Variants in MTA3 observed in about 807,000 individuals in gnomAD.
MTA3 encodes metastasis-associated protein MTA3.
In MTA3, 34 loss-of-function variants were observed where a neutral mutation model predicts 83.5. The observed-to-expected ratio is 0.41, with a 90% CI of 0.31 to 0.54. MTA3 has a LOEUF of 0.54. MTA3 is among the 20% of genes least tolerant of loss of function. MTA3 has a pLI of 0.33. For missense variants in MTA3, 761 were observed against 726.4 expected, an observed-to-expected ratio of 1.05 and a Z score of -0.55; for synonymous variants, 303 against 252.7, an observed-to-expected ratio of 1.20 and a Z score of -1.89.
chr2:42,517,777 A>AAGG (rs1675217135), intron 2 of MTA3, among the ~76,000 whole-genome samples: 1 of 140,014 alleles, frequency 7.1e-6, no homozygotes, highest in Non-Finnish European at 1.5e-5. Flanking sequence ...ACTCCGGGAG[A>AAGG]CTGAGGCAGG....
chr2:42,728,039 A>G lies in MTA3; in HGVS notation c.1759+5004A>G, dbSNP rs576415623. Among the ~76,000 whole-genome samples, 93 of 152,282 alleles carry G rather than the reference A, an allele frequency of 6.1e-4. 3 individuals carry two copies. In the South Asian group the frequency reaches 0.019, roughly 31 times the overall value. On this transcript the variant is annotated intron_variant, in intron 16 of 16. Transcript: ENST00000405094. The stretch of plus-strand genomic sequence containing the variant: ...GTCACCCTGTTAGCTATCAAATACT[A>G]GATCTTATTCATTCTATCTAACTAT...
chr2:42,695,634 C>CAAAAAAAA (rs70963347), intron 9 of MTA3, 131 bp from the exon 10 acceptor site: 74 of 130,772 alleles, frequency 5.7e-4, no homozygotes, highest in South Asian at 1.0e-3. Flanking sequence ...CAGTCTATCT[C>CAAAAAAAA]AAAAAAAAAA....
intron 3 of MTA3, among the ~76,000 whole-genome samples, chr2:42,595,739 GAA>G (rs1440999851): frequency 6.6e-6 from 1 of 151,976 alleles, no homozygotes; most frequent in Non-Finnish European, 1.5e-5. Context: ...CATAGGACTG[GAA>G]AAAATTTTAA....
chr2:42,611,654 A>C lies in MTA3; in HGVS notation c.317+2070A>C, dbSNP rs1266534289. Among the ~76,000 whole-genome samples, 4 of 152,206 alleles carry C rather than the reference A, an allele frequency of 2.6e-5. No individual in the cohort carries two copies. The South Asian group carries it at 8.3e-4, about 32-fold the overall frequency. ...AGTAGAGCAAGACCTTGTCTCTACC[A>C]AAAATATAAAAATTAGCTGAGCGTG... On this transcript the variant is annotated intron_variant, in intron 4 of 16. Transcript: ENST00000405094.
chr2:42,639,184 C>T (rs1271575038), intron 4 of MTA3, among the ~76,000 whole-genome samples: 1 of 151,832 alleles, frequency 6.6e-6, no homozygotes, highest in Non-Finnish European at 1.5e-5. Context: ...CCTCAGCCCC[C>T]TGAGTAGCTG....
chr2:42,748,242 T>TGTGTGTGTGTGTG (rs1553402303), intron 16 of MTA3, among the ~76,000 whole-genome samples: 3 of 150,246 alleles, frequency 2.0e-5, no homozygotes, highest in Non-Finnish European at 3.0e-5. Flanking sequence ...TGTGTGTGTG[T>TGTGTGTGTGTGTG]TTTAGTAGAG....
chr2:42,495,969 G>A (rs1674111094), intron 2 of MTA3, among the ~76,000 whole-genome samples: 1 of 152,192 alleles, frequency 6.6e-6, no homozygotes, highest in African/African-American at 2.4e-5. Flanking sequence ...AGCCAGAGAT[G>A]AGCCTGGCTT....
At chr2:42,656,379 T>C in intron 7 of MTA3, 77 bp downstream of exon 7, 1 of 847,008 alleles carries the variant, frequency 1.2e-6, no homozygotes, top group Non-Finnish European at 1.8e-6. Context: ...TATTTTTATT[T>C]CTTTGTATTC....
chr2:42,499,600 A>G (rs1484320704), intron 2 of MTA3, among the ~76,000 whole-genome samples: 1 of 149,492 alleles, frequency 6.7e-6, no homozygotes, highest in African/African-American at 2.4e-5. Context: ...GACCAGCCTG[A>G]CCAACATGGA....
At chr2:42,525,140 A>G (rs62144825) in intron 2 of MTA3, among the ~76,000 whole-genome samples, 54,136 of 141,070 alleles carry the variant, frequency 0.38, 10,225 homozygotes, top group African/African-American at 0.45. Context: ...GAGAGTTGAG[A>G]TGTGGTAGGT....
intron 6 of MTA3, among the ~76,000 whole-genome samples, chr2:42,646,732 C>G (rs1688223303): frequency 6.6e-6 from 1 of 152,122 alleles, no homozygotes; most frequent in African/African-American, 2.4e-5. Flanking sequence ...AAAGTGGTTT[C>G]TTGAGATGGA....
intron 14 of MTA3, 126 bp downstream of exon 14, chr2:42,709,222 T>C (rs1666390179): frequency 6.9e-7 from 1 of 1,447,634 alleles, no homozygotes; most frequent in Non-Finnish European, 9.0e-7. Context: ...CAGCCTTTTA[T>C]TTGGTTTATT....
At position 42,669,364 on chromosome 2, in the gene MTA3, C is replaced by T. The variant is rs974919532; in HGVS notation, c.702+9502C>T. On this transcript the variant is annotated intron_variant, in intron 8 of 16. Transcript: ENST00000405094. ...CCTCCCAAAGTGCTGGGATTACAAGCGTGAGCCACTGCGCCTGGCCAGAAA... is the reference window on the plus strand; with the variant it reads ...CCTCCCAAAGTGCTGGGATTACAAGTGTGAGCCACTGCGCCTGGCCAGAAA... 3.9e-5 allele frequency among the ~76,000 whole-genome samples: 6 copies of T among 152,214 alleles called. No homozygotes were observed. The East Asian group carries it at 1.2e-3, about 29-fold the overall frequency.
intron 2 of MTA3, among the ~76,000 whole-genome samples, chr2:42,544,473 C>CA (rs200667321): frequency 0.019 from 2,539 of 131,420 alleles, 49 homozygotes; most frequent in African/African-American, 0.051. Flanking sequence ...AAAACAAAAA[C>CA]AAAAAAAAAA....
chr2:42,545,737 A>C (rs976551882), intron 2 of MTA3, among the ~76,000 whole-genome samples: 1 of 152,172 alleles, frequency 6.6e-6, no homozygotes, highest in Non-Finnish European at 1.5e-5. Context: ...GTGTACCTTA[A>C]AGAAGCTTGG....
At chr2:42,572,110 T>C (rs1389681840) in intron 2 of MTA3, among the ~76,000 whole-genome samples, 2 of 151,846 alleles carry the variant, frequency 1.3e-5, no homozygotes, top group Non-Finnish European at 2.9e-5. Flanking sequence ...ACCCCGTCTC[T>C]ACTAAAAATA....
intron 2 of MTA3, among the ~76,000 whole-genome samples, chr2:42,527,701 A>T (rs1185139266): frequency 6.6e-6 from 1 of 152,028 alleles, no homozygotes; most frequent in Non-Finnish European, 1.5e-5. Flanking sequence ...ATCAAGAAAA[A>T]GCAGGAGTAT....
chr2:42,677,895 C>T (rs1691529156), intron 8 of MTA3, among the ~76,000 whole-genome samples: 1 of 152,170 alleles, frequency 6.6e-6, no homozygotes, highest in South Asian at 2.1e-4. Context: ...ACACAAATAT[C>T]TTACTGTACT....
At chr2:42,512,063 T>C (rs899106797) in intron 2 of MTA3, among the ~76,000 whole-genome samples, 1 of 150,640 alleles carries the variant, frequency 6.6e-6, no homozygotes, top group Non-Finnish European at 1.5e-5. Context: ...ATAATTATAA[T>C]AATATTTTCT....
Sources: allele counts gnomAD v4.1 joint callset (sites outside exome capture counted in the v4.1 genomes callset), GRCh38; gene constraint gnomAD v4.1.1; transcripts MANE v1.5; gene names NCBI Gene and HGNC (gene_info 2026-07-23, HGNC 2026-07-21).